Variants in SERF2 observed in about 807,000 individuals in gnomAD.
The protein encoded by SERF2 is small EDRK-rich factor 2, also known as gastric cancer-related protein VRG107.
A neutral mutation model predicts 10.7 loss-of-function variants in SERF2; 4 were observed. That is an observed-to-expected ratio of 0.37 (90% CI 0.18 to 0.86). The LOEUF is 0.86. SERF2 is among the 40% of genes least tolerant of loss of function. The pLI is 0.43. For missense variants in SERF2, 47 were observed against 79.1 expected (o/e 0.59, Z 1.54); for synonymous variants, 26 against 26.0 (o/e 1.00, Z 0.01).
rs143808872 is a variant in SERF2, at chr15:43,795,050, G to A, written c.*1277G>A. On this transcript the variant is annotated 3_prime_UTR_variant, in exon 3 of 3. Transcript: ENST00000249786. ...GGGGATATGATGCGGTGGCGGCGGC[G>A]CCTCAAGATAAGGGGCTGGGGTTTC... is the stretch of plus-strand genomic sequence containing the variant. The A allele has an allele frequency of 1.4e-5, 23 of 1,612,658 alleles. No homozygotes were observed. In the Middle Eastern group the frequency reaches 5.7e-4, roughly 40 times the overall value.
At position 43,795,716 on chromosome 15, in the gene SERF2, G is replaced by A; in HGVS notation, c.*1943G>A. The stretch of plus-strand genomic sequence containing the variant: ...TGTCTGCCTCCACTGTTTCAGGGCA[G>A]CAGAAACACAGTGAGGGCTTCTGCA... On this transcript the variant is annotated 3_prime_UTR_variant, in exon 3 of 3. Coordinates refer to ENST00000249786, the MANE Select transcript of SERF2 (RefSeq NM_001018108.4). 6.8e-6 allele frequency: 11 copies of A among 1,614,032 alleles called. No individual in the cohort carries two copies. The highest frequency in any genetic ancestry group is 9.3e-6 in the Non-Finnish European group (11 of 1,179,964).
intron 1 of SERF2, among the ~76,000 whole-genome samples, chr15:43,779,883 G>C (rs1295685549): frequency 1.1e-4 from 17 of 152,154 alleles, no homozygotes; most frequent in Admixed American, 1.1e-3. Context: ...GGTACTGGCA[G>C]TAACTGCAAT....
upstream of SERF2, among the ~76,000 whole-genome samples, chr15:43,789,874 C>T (rs1400950920): frequency 6.6e-6 from 1 of 151,900 alleles, no homozygotes; most frequent in Non-Finnish European, 1.5e-5. Flanking sequence ...AGCACAGTGG[C>T]TTGCACCTGT....
At chr15:43,790,742 T>C (rs2141675570), upstream of SERF2, among the ~76,000 whole-genome samples, 1 of 149,368 alleles carries the variant, frequency 6.7e-6, no homozygotes, top group South Asian at 2.3e-4. Flanking sequence ...GCACTCCAGC[T>C]TGGGTGTCTC....
chr15:43,789,561 T>C (rs1344878121), upstream of SERF2, among the ~76,000 whole-genome samples: 1 of 152,204 alleles, frequency 6.6e-6, no homozygotes, highest in East Asian at 1.9e-4. Flanking sequence ...AGTTACTTCA[T>C]ACCAGGTGGA....
upstream of SERF2, chr15:43,792,285 G>C (rs1294741761): frequency 1.8e-6 from 2 of 1,134,660 alleles, no homozygotes; most frequent in African/African-American, 3.0e-5. Flanking sequence ...GGAAAGGAAC[G>C]ACTGTGCTAC....
In SERF2 at chr15:43,796,042, A is replaced by G. The variant is rs1048296857; in HGVS notation, c.*2269A>G. ...GCCTAGCACATTGTGGGTACTCAAT[A>G]AAAGGTAACAGCAGCTATAATCTGA... On this transcript the variant is annotated 3_prime_UTR_variant, in exon 3 of 3. Coordinates refer to ENST00000249786, the MANE Select transcript of SERF2 (RefSeq NM_001018108.4). 6.2e-6 allele frequency: 5 copies of G among 806,428 alleles called. No individual in the cohort carries two copies. The Admixed American group carries it at 1.0e-4, about 17-fold the overall frequency. The allele number at this position is 806,428 out of a possible 1,614,324, so 50.0% of individuals were successfully genotyped here. A position where few individuals can be genotyped will look rare whatever the true frequency, so the allele number is the denominator to read the frequency against.
chr15:43,795,029 A>T lies in SERF2; in HGVS notation c.*1256A>T. ...ACTGGAGGATATTTGTTATCTGGGG[A>T]TATGATGCGGTGGCGGCGGCGCCTC... is the stretch of plus-strand genomic sequence containing the variant. On this transcript the variant is annotated 3_prime_UTR_variant, in exon 3 of 3. Transcript: ENST00000249786. The T allele has an allele frequency of 6.2e-7, 1 of 1,611,634 alleles. No individual in the cohort carries two copies. Among genetic ancestry groups the T allele is most frequent in the Non-Finnish European group, 8.5e-7 (1 of 1,179,474 alleles).
At chr15:43,786,118 T>C (rs1454140292) in intron 2 of SERF2, among the ~76,000 whole-genome samples, 2 of 151,738 alleles carry the variant, frequency 1.3e-5, no homozygotes. Context: ...AGCAAGGCAC[T>C]AAAAAGCTGG....
intron 1 of SERF2, among the ~76,000 whole-genome samples, chr15:43,780,431 C>T (rs936163702): frequency 5.3e-5 from 8 of 152,178 alleles, no homozygotes; most frequent in Non-Finnish European, 7.3e-5. Context: ...CGTCAGCCAC[C>T]GCGCCCTGCG....
intron 2 of SERF2, among the ~76,000 whole-genome samples, chr15:43,786,721 A>G (rs1335634963): frequency 6.6e-6 from 1 of 152,190 alleles, no homozygotes; most frequent in African/African-American, 2.4e-5. Context: ...CAGTGGTCCA[A>G]CAGCATGACC....
At position 43,795,130 on chromosome 15, in the gene SERF2, C is replaced by T. The variant is rs910686594; in HGVS notation, c.*1357C>T. ...TAACAGCCCCAGATAGAGGAGTACG[C>T]AGGCCCAGCATGAGGCAACCTTGAC... On this transcript the variant is annotated 3_prime_UTR_variant, in exon 3 of 3. Coordinates refer to ENST00000249786, the MANE Select transcript of SERF2 (RefSeq NM_001018108.4). 2 of 1,613,998 alleles carry T rather than the reference C, an allele frequency of 1.2e-6. No individual in the cohort carries two copies. Among genetic ancestry groups the T allele is most frequent in the African/African-American group, 1.3e-5 (1 of 74,900 alleles).
chr15:43,791,152 C>T (rs555293123), upstream of SERF2, among the ~76,000 whole-genome samples: 53 of 152,146 alleles, frequency 3.5e-4, no homozygotes, highest in African/African-American at 1.3e-3. Flanking sequence ...CGGCTCACTG[C>T]AAGCTCCATC....
chr15:43,786,503 A>G (rs777247435), intron 2 of SERF2, among the ~76,000 whole-genome samples: 11 of 151,618 alleles, frequency 7.3e-5, no homozygotes, highest in Non-Finnish European at 1.5e-4. Context: ...GGACCATTTC[A>G]TTATGTAAGG....
rs1420694368 is a variant in SERF2, at chr15:43,795,966, T to G, written c.*2193T>G. Reference sequence around the variant, plus strand: ...GGAGCAAATACCTACCTCACAGGGTTGTTGTGAGGGTTAAATTAAATGAGA... The same window carrying G: ...GGAGCAAATACCTACCTCACAGGGTGGTTGTGAGGGTTAAATTAAATGAGA... On this transcript the variant is annotated 3_prime_UTR_variant, in exon 3 of 3. Coordinates refer to ENST00000249786, the MANE Select transcript of SERF2 (RefSeq NM_001018108.4). 2.8e-5 allele frequency: 18 copies of G among 641,966 alleles called. No homozygotes were observed. The East Asian group carries it at 4.3e-4, about 15-fold the overall frequency. 39.8% of individuals were successfully genotyped at this position (641,966 alleles called of 1,614,324 possible). A position where few individuals can be genotyped will look rare whatever the true frequency, so the allele number is the denominator to read the frequency against.
chr15:43,788,830 A>G (rs1412786320), upstream of SERF2, among the ~76,000 whole-genome samples: 1 of 152,150 alleles, frequency 6.6e-6, no homozygotes, highest in East Asian at 1.9e-4. Flanking sequence ...GACACCTCCA[A>G]AGGTCATCGT....
chr15:43,794,295 C>T lies in SERF2; in HGVS notation c.*522C>T. 3.6e-6 allele frequency: 1 copy of T among 274,844 alleles called. No homozygotes were observed. Among genetic ancestry groups the T allele is most frequent in the Admixed American group, 4.9e-5 (1 of 20,536 alleles). The allele number at this position is 274,844 out of a possible 1,614,324, so 17.0% of individuals were successfully genotyped here. A position where few individuals can be genotyped will look rare whatever the true frequency, so the allele number is the denominator to read the frequency against. On this transcript the variant is annotated 3_prime_UTR_variant, in exon 3 of 3. Coordinates refer to ENST00000249786, the MANE Select transcript of SERF2 (RefSeq NM_001018108.4). ...GATTTTTGTTCCCCACCCTTGAACA[C>T]CATCTCTAGGATGGAGTTGGCCTAA...
chr15:43,793,478 C>A, intron 2 of SERF2: 1 of 1,252,710 alleles, frequency 8.0e-7, no homozygotes, highest in Non-Finnish European at 1.1e-6. Flanking sequence ...AATAGAGACC[C>A]TTGGGCCTGT....
upstream of SERF2, chr15:43,792,240 A>C (rs2087074975): frequency 1.3e-6 from 1 of 780,228 alleles, no homozygotes. Context: ...TTCTTGTCCA[A>C]TGGGAGCCGG....
Sources: allele counts gnomAD v4.1 joint callset (sites outside exome capture counted in the v4.1 genomes callset), GRCh38; gene constraint gnomAD v4.1.1; transcripts MANE v1.5; gene names NCBI Gene and HGNC (gene_info 2026-07-23, HGNC 2026-07-21).